PLEKHN1: variants seen among roughly 807,000 people sequenced by gnomAD.
PLEKHN1 encodes the protein pleckstrin homology domain-containing family N member 1.
In PLEKHN1, 68 loss-of-function variants were observed where a neutral mutation model predicts 72.8. That is an observed-to-expected ratio of 0.93 (90% CI 0.77 to 1.14). The LOEUF (loss-of-function observed/expected upper bound fraction) is 1.14, where lower values mean the gene tolerates loss of function less well. PLEKHN1 is among the 50% of genes most tolerant of loss of function. PLEKHN1 has a pLI of 0.00. For missense variants in PLEKHN1, 1,015 were observed against 840.5 expected (o/e 1.21, Z -2.57); for synonymous variants, 454 against 371.6 (o/e 1.22, Z -2.55).
rs752123552 is a variant in PLEKHN1 at position 966,818 on chromosome 1, C to G, written c.183+15C>G. On this transcript the variant is annotated intron_variant, in intron 2 of 15. Coordinates refer to ENST00000379410, the MANE Select transcript of PLEKHN1 (RefSeq NM_032129.3). ...TCCCGGGCACGGTGAGCGCGGCGTGCACGGTGGCTGTGGTCTGGGAGCGTG... is the reference window on the plus strand; with the variant it reads ...TCCCGGGCACGGTGAGCGCGGCGTGGACGGTGGCTGTGGTCTGGGAGCGTG... 3.2e-6 allele frequency: 5 copies of G among 1,546,294 alleles called. No individual in the cohort carries two copies. Among genetic ancestry groups the G allele is most frequent in the Non-Finnish European group, 2.6e-6 (3 of 1,147,136 alleles).
intron 2 of PLEKHN1, among the ~76,000 whole-genome samples, chr1:968,412 T>C (rs1269520174): frequency 6.6e-6 from 1 of 152,214 alleles, no homozygotes; most frequent in African/African-American, 2.4e-5. Flanking sequence ...AACCTGGTGA[T>C]CAAAGCCTGC....
intron 2 of PLEKHN1, among the ~76,000 whole-genome samples, chr1:968,612 C>T (rs113745935): frequency 5.6e-4 from 86 of 152,274 alleles, no homozygotes; most frequent in Admixed American, 1.8e-3. Flanking sequence ...CAGAGACACA[C>T]GACGGGACAA....
At position 966,602 on chromosome 1, in the gene PLEKHN1, T is replaced by C; in HGVS notation, c.71T>C (p.Leu24Pro). The C allele has an allele frequency of 6.2e-7, 1 of 1,610,732 alleles. No individual in the cohort carries two copies. Residue 24 changes from leucine to proline, a missense_variant, in exon 1 of 16, where the codon CTG (leucine) becomes CCG (proline). Transcript: ENST00000379410. ...LRASFSRKPSLKGNREDSARM... is the reference protein window; with the variant it reads ...LRASFSRKPSPKGNREDSARM... ...GCCTCCTTCTCCAGAAAGCCCTCGC[T>C]GAAGGGAAACAGGTGAGCGGGGCGT...
In PLEKHN1 at chr1:970,499, G is replaced by C; in HGVS notation, c.331-22G>C. ...CCTGGGGCTCCCCAGACTCCGCACT[G>C]ACGACCCTGCTCCCCGCGCAGGATG... is the stretch of plus-strand genomic sequence containing the variant. On this transcript the variant is annotated intron_variant, in intron 3 of 15. Coordinates refer to ENST00000379410, the MANE Select transcript of PLEKHN1 (RefSeq NM_032129.3). This position sits in a 1 kb window ranked among gnomAD's most constrained non-coding sequence, Gnocchi z 4.2. 1 of 1,613,106 alleles carries C rather than the reference G, an allele frequency of 6.2e-7. No individual in the cohort carries two copies. Among genetic ancestry groups the C allele is most frequent in the South Asian group, 1.1e-5 (1 of 91,080 alleles).
chr1:970,891 C>T lies in PLEKHN1; in HGVS notation c.497C>T (p.Ala166Val). The change falls in exon 6 of 16, where the codon GCA becomes GTA. Residue 166 changes from alanine to valine, a missense_variant. Transcript: ENST00000379410. The surrounding 1 kb of genome is among the most constrained non-coding windows in gnomAD (Gnocchi z 4.2). Reference sequence around the variant, plus strand: ...GCCCTGCCCGCAGGCCCACTGCCCGCACCCCTCCTGGTGCTCTGCCCCAGC... The same window carrying T: ...GCCCTGCCCGCAGGCCCACTGCCCGTACCCCTCCTGGTGCTCTGCCCCAGC... ...HAFQITGPLP[A>V]PLLVLCPSRA... 6.2e-7 allele frequency: 1 copy of T among 1,611,220 alleles called. No individual in the cohort carries two copies. The highest frequency in any genetic ancestry group is 8.5e-7 in the Non-Finnish European group (1 of 1,179,862).
At position 973,867 on chromosome 1, in the gene PLEKHN1, C is replaced by A. The variant is rs72631892; in HGVS notation, c.1469C>A (p.Thr490Lys). The change falls in exon 14 of 16, where the codon ACG (threonine) becomes AAG (lysine). Residue 490 changes from threonine to lysine, a missense_variant. Transcript: ENST00000379410. ...GCCATGCAGAGTGCACGTGGACCCA[C>A]GCCCTCGAGCCCACTCCCCTCGGTG... Reference protein sequence around the residue: ...LSAMQSARGPTPSSPLPSVPV... With the variant: ...LSAMQSARGPKPSSPLPSVPV... The A allele has an allele frequency of 7.5e-6, 12 of 1,610,518 alleles. No individual in the cohort carries two copies. In the Admixed American group the frequency reaches 2.0e-4, roughly 27 times the overall value.
rs560067586 is a variant in PLEKHN1 at position 972,222 on chromosome 1, G to A, written c.866-66G>A. 3.1e-4 allele frequency: 504 copies of A among 1,601,494 alleles called. No homozygotes were observed. In the African/African-American group the frequency reaches 3.5e-3, roughly 11 times the overall value. On this transcript the variant is annotated intron_variant, in intron 9 of 15. Coordinates refer to ENST00000379410, the MANE Select transcript of PLEKHN1 (RefSeq NM_032129.3). ...TGGGGCGGGAGCCTGGGGGACGCCC[G>A]ACTCTTTAGTGGGGGCGCTGAGGGG...
intron 8 of PLEKHN1, 79 bp from the exon 9 acceptor site, chr1:971,996 G>A (rs548544419): frequency 2.2e-6 from 3 of 1,374,078 alleles, no homozygotes; most frequent in South Asian, 1.3e-5. Flanking sequence ...AGCTCTGGAG[G>A]GCAAGAGGGT....
At chr1:971,493 G>C (rs1046265719) in intron 8 of PLEKHN1, 89 bp downstream of exon 8, 19 of 1,263,656 alleles carry the variant, frequency 1.5e-5, no homozygotes, top group African/African-American at 4.5e-5. Context: ...CCTGTATTTC[G>C]GGGCTTGTTG....
Position 970,436 on chromosome 1 carries a change from C to A in PLEKHN1, c.330+13C>A, listed in dbSNP as rs369262013. ...CCAGCACAGCCAGGTGGGGGCCGGG[C>A]TGGGTGGAGCACGCTAAGGGTGCAG... On this transcript the variant is annotated intron_variant, in intron 3 of 15. Transcript: ENST00000379410. This position sits in a 1 kb window ranked among gnomAD's most constrained non-coding sequence, Gnocchi z 4.2. 9 of 1,613,100 alleles carry A rather than the reference C, an allele frequency of 5.6e-6. No homozygotes were observed. The African/African-American group carries it at 1.2e-4, about 22-fold the overall frequency.
rs933249006 is a variant in PLEKHN1, at chr1:975,124, G to GA, written c.*549_*550insA. On this transcript the variant is annotated 3_prime_UTR_variant, in exon 16 of 16. Transcript: ENST00000379410. The stretch of plus-strand genomic sequence containing the variant: ...AAAGAAAAAAGAGAGAAGAGAGAGA[G>GA]GAGAAGAGAGAAAAGAAGAGAAGAG... 3 of 151,580 alleles carry GA rather than the reference G, an allele frequency of 2.0e-5. No individual in the cohort carries two copies. Among genetic ancestry groups the GA allele is most frequent in the Non-Finnish European group, 2.9e-5 (2 of 68,310 alleles). The allele number at this position is 151,580 out of a possible 1,614,324, so 9.4% of individuals were successfully genotyped here.
In PLEKHN1 at chr1:973,958, C is replaced by G; in HGVS notation, c.1560C>G (p.Leu520=). The change falls in exon 14 of 16, where the codon CTC becomes CTG. Residue 520 remains leucine (L), a synonymous_variant. Transcript: ENST00000379410. ...CSSGPAGPYL[L]SKKGALQSRA... is the part of the protein sequence containing the mutation. ...CCGGCCCCGCTGGCCCCTACTTGCT[C>G]TCCAAGAAGGGAGCCCTGCAGTCCA... 6.2e-7 allele frequency: 1 copy of G among 1,610,550 alleles called. No homozygotes were observed. Among genetic ancestry groups the G allele is most frequent in the Non-Finnish European group, 8.5e-7 (1 of 1,179,710 alleles).
At position 966,782 on chromosome 1, in the gene PLEKHN1, C is replaced by T. The variant is rs1570008514; in HGVS notation, c.162C>T (p.Leu54=). The T allele has an allele frequency of 8.3e-6, 13 of 1,568,956 alleles. No homozygotes were observed. Among genetic ancestry groups the T allele is most frequent in the Admixed American group, 3.7e-5 (2 of 54,162 alleles). ...GCGGGGACGCCGCCGCCAACAAGCTCTTCCACTACATCCCGGGCACGGTGA... is the reference window on the plus strand; with the variant it reads ...GCGGGGACGCCGCCGCCAACAAGCTTTTCCACTACATCCCGGGCACGGTGA... The part of the protein sequence containing the change: ...ARSGDAAANK[L]FHYIPGTDIL... Residue 54 remains leucine (L), a synonymous_variant, in exon 2 of 16, where the codon CTC becomes CTT. Transcript: ENST00000379410.
rs140996487 is a variant in PLEKHN1, at chr1:972,095, C to G, written c.810C>G (p.Ala270=). The G allele has an allele frequency of 4.3e-6, 7 of 1,612,934 alleles. No homozygotes were observed. Among genetic ancestry groups the G allele is most frequent in the Non-Finnish European group, 5.9e-6 (7 of 1,179,898 alleles). ...CGCAGGGGGAGCTCCCACTCCGTGC[C>G]GTCCACATCAACCTGGAGGAGAAGG... ...LCFKGELPLR[A]VHINLEEKEK... The change falls in exon 9 of 16, where the codon GCC becomes GCG. Residue 270 remains alanine (A), a synonymous_variant. Coordinates refer to ENST00000379410, the MANE Select transcript of PLEKHN1 (RefSeq NM_032129.3).
chr1:969,748 GTA>G (rs1299339169), intron 2 of PLEKHN1, among the ~76,000 whole-genome samples: 4 of 119,078 alleles, frequency 3.4e-5, no homozygotes, highest in Admixed American at 8.9e-5. Context: ...TGTGTGGCAT[GTA>G]TGTGTCTATT....
In PLEKHN1 at chr1:973,277, G is replaced by A. The variant is rs753141005; in HGVS notation, c.1244G>A (p.Arg415Gln). The A allele has an allele frequency of 3.2e-5, 49 of 1,542,794 alleles. No homozygotes were observed. Among genetic ancestry groups the A allele is most frequent in the Middle Eastern group, 1.9e-4 (1 of 5,256 alleles). ...AGCCGGTCACCCGGGAGCAAGGCCC[G>A]GGCAGAGGGCCGCGGCCCTGTCACC... The part of the protein sequence containing the change: ...GSSRSPGSKA[R>Q]AEGRGPVTPL... The change falls in exon 12 of 16, where the codon CGG becomes CAG. Residue 415 changes from arginine (R) to glutamine (Q), a missense_variant. Transcript: ENST00000379410.
In PLEKHN1 at chr1:973,988, C is replaced by T. The variant is rs557121401; in HGVS notation, c.1590C>T (p.Ala530=). ...AGAAGGGAGCCCTGCAGTCCAGAGC[C>T]GCTCAGAGACACCGGGGCTCAGCCA... ...LSKKGALQSR[A]AQRHRGSAKD... The change falls in exon 14 of 16, where the codon GCC becomes GCT. Residue 530 remains alanine, a synonymous_variant. Transcript: ENST00000379410. The T allele has an allele frequency of 4.1e-5, 66 of 1,607,364 alleles. No individual in the cohort carries two copies. The highest frequency in any genetic ancestry group is 3.7e-4 in the African/African-American group (28 of 74,992).
Position 966,599 on chromosome 1 carries a change from C to T in PLEKHN1, c.68C>T (p.Ser23Leu), listed in dbSNP as rs771984969. The T allele has an allele frequency of 8.1e-6, 13 of 1,610,688 alleles. No homozygotes were observed. Among genetic ancestry groups the T allele is most frequent in the African/African-American group, 4.0e-5 (3 of 74,906 alleles). ...RLRASFSRKP[S>L]LKGNREDSAR... ...CGGGCCTCCTTCTCCAGAAAGCCCTCGCTGAAGGGAAACAGGTGAGCGGGG... is the reference window on the plus strand; with the variant it reads ...CGGGCCTCCTTCTCCAGAAAGCCCTTGCTGAAGGGAAACAGGTGAGCGGGG... Residue 23 changes from serine to leucine, a missense_variant, in exon 1 of 16, where the codon TCG becomes TTG. Physicochemically the swap from Ser to Leu is moderately radical, Grantham distance 145 (BLOSUM62 -2). Coordinates refer to ENST00000379410, the MANE Select transcript of PLEKHN1 (RefSeq NM_032129.3).
intron 2 of PLEKHN1, among the ~76,000 whole-genome samples, chr1:967,805 C>G (rs1310176508): frequency 6.6e-6 from 1 of 152,204 alleles, no homozygotes; most frequent in East Asian, 1.9e-4. Flanking sequence ...GGCTGCATCT[C>G]AGACACCACT....
Sources: allele counts gnomAD v4.1 joint callset (sites outside exome capture counted in the v4.1 genomes callset), GRCh38; gene constraint gnomAD v4.1.1; non-coding constraint Gnocchi (gnomAD v3.1); transcripts MANE v1.5; gene names NCBI Gene and HGNC (gene_info 2026-07-23, HGNC 2026-07-21).